Variants in PPM1E observed in about 807,000 individuals in gnomAD.
The protein encoded by PPM1E is protein phosphatase 1E.
Under a neutral mutation model 65.9 loss-of-function variants are expected in PPM1E, and 20 were observed. The observed-to-expected ratio is 0.30, with a 90% CI of 0.21 to 0.44. PPM1E has a LOEUF of 0.44. PPM1E is among the 20% of genes least tolerant of loss of function. PPM1E has a pLI of 1.00. For synonymous variants in PPM1E, 352 were observed against 374.9 expected (o/e 0.94, Z 0.70); for missense variants, 713 against 953.1 (o/e 0.75, Z 3.32).
intron 1 of PPM1E, among the ~76,000 whole-genome samples, chr17:58,817,809 T>C (rs1252649314): frequency 6.6e-6 from 1 of 152,078 alleles, no homozygotes; most frequent in Non-Finnish European, 1.5e-5. Context: ...TCGAGTGCAG[T>C]GGCACGATCT....
chr17:58,823,855 C>T (rs901406662), intron 1 of PPM1E, among the ~76,000 whole-genome samples: 3 of 152,104 alleles, frequency 2.0e-5, no homozygotes, highest in African/African-American at 7.2e-5. Context: ...CTCAGCCTCC[C>T]GAGTAGCTGG....
At chr17:58,826,454 A>G (rs1292356272) in intron 1 of PPM1E, among the ~76,000 whole-genome samples, 3 of 152,218 alleles carry the variant, frequency 2.0e-5, no homozygotes, top group Non-Finnish European at 4.4e-5. Context: ...TATGGCAACT[A>G]AAATTCAGCA....
chr17:58,789,552 A>T (rs58659289), intron 1 of PPM1E, among the ~76,000 whole-genome samples: 2,835 of 152,286 alleles, frequency 0.019, 39 homozygotes, highest in East Asian at 0.041. Context: ...TGCAAAATTC[A>T]CTAGCTAATC....
At chr17:58,841,585 G>A (rs904889341) in intron 1 of PPM1E, among the ~76,000 whole-genome samples, 1 of 150,974 alleles carries the variant, frequency 6.6e-6, no homozygotes, top group African/African-American at 2.4e-5. Context: ...CAGTGCAGTG[G>A]TGCAATCTTG....
chr17:58,757,451 A>AG (rs2049780127), intron 1 of PPM1E, among the ~76,000 whole-genome samples: 2 of 152,218 alleles, frequency 1.3e-5, no homozygotes, highest in Admixed American at 1.3e-4. Context: ...ATGACAGAGG[A>AG]GAATACTAGT....
At chr17:58,833,414 G>A (rs2050623839) in intron 1 of PPM1E, among the ~76,000 whole-genome samples, 1 of 150,858 alleles carries the variant, frequency 6.6e-6, no homozygotes, top group Non-Finnish European at 1.5e-5. Context: ...AGTTTCTATT[G>A]TTGCCGTTTT....
chr17:58,896,788 T>A (rs911788074), intron 1 of PPM1E, among the ~76,000 whole-genome samples: 1 of 152,162 alleles, frequency 6.6e-6, no homozygotes, highest in Non-Finnish European at 1.5e-5. Context: ...AGACTTTCAA[T>A]GTAGACAAAA....
chr17:58,859,413 T>C (rs1231683618), intron 1 of PPM1E, among the ~76,000 whole-genome samples: 3 of 152,242 alleles, frequency 2.0e-5, no homozygotes, highest in Non-Finnish European at 4.4e-5. Flanking sequence ...ATTTTCCCCT[T>C]TTTATCAAGA....
At chr17:58,863,133 G>A (rs556287159) in intron 1 of PPM1E, among the ~76,000 whole-genome samples, 3 of 152,312 alleles carry the variant, frequency 2.0e-5, no homozygotes, top group African/African-American at 4.8e-5. Context: ...CTGAAGCATG[G>A]TGTCCATTTT....
chr17:58,824,169 T>C (rs2050508479), intron 1 of PPM1E, among the ~76,000 whole-genome samples: 1 of 152,292 alleles, frequency 6.6e-6, no homozygotes, highest in African/African-American at 2.4e-5. Context: ...CAAAGATGAA[T>C]ATCTCCAATT....
chr17:58,946,628 G>T (rs571701536), intron 1 of PPM1E, among the ~76,000 whole-genome samples: 1 of 151,952 alleles, frequency 6.6e-6, no homozygotes, highest in Non-Finnish European at 1.5e-5. Flanking sequence ...CTATTTTGTT[G>T]TTGTTTGTTT....
At position 58,980,320 on chromosome 17, in the gene PPM1E, G is replaced by T; in HGVS notation, c.1557G>T (p.Lys519Asn). 6.2e-7 allele frequency: 1 copy of T among 1,614,128 alleles called. No individual in the cohort carries two copies. Residue 519 changes from lysine (K) to asparagine (N), a missense_variant, in exon 7 of 7, where the codon AAG becomes AAT. Coordinates refer to ENST00000308249, the MANE Select transcript of PPM1E (RefSeq NM_014906.5). This position sits in a 1 kb window ranked among gnomAD's most constrained non-coding sequence, Gnocchi z 4.7. ...QGGQEDGGDDKENHGECKRPW... is the reference protein window; with the variant it reads ...QGGQEDGGDDNENHGECKRPW... ...GGCAAGAAGATGGTGGGGATGATAA[G>T]GAGAATCATGGAGAGTGCAAACGCC...
chr17:58,912,280 C>G (rs1442268963), intron 1 of PPM1E, among the ~76,000 whole-genome samples: 2 of 152,126 alleles, frequency 1.3e-5, no homozygotes, highest in Non-Finnish European at 2.9e-5. Context: ...AAACCAAGGA[C>G]AAGGACATTA....
At chr17:58,958,580 A>C (rs1475146543) in intron 2 of PPM1E, among the ~76,000 whole-genome samples, 1 of 152,080 alleles carries the variant, frequency 6.6e-6, no homozygotes, top group Non-Finnish European at 1.5e-5. Flanking sequence ...AATAATAAAA[A>C]GTTTTTGTAA....
At chr17:58,812,842 C>T (rs1048071099) in intron 1 of PPM1E, among the ~76,000 whole-genome samples, 4 of 152,206 alleles carry the variant, frequency 2.6e-5, no homozygotes, top group Non-Finnish European at 5.9e-5. Flanking sequence ...GCTGGGATTA[C>T]AGGCATGAGC....
intron 1 of PPM1E, among the ~76,000 whole-genome samples, chr17:58,931,255 G>A (rs1482796133): frequency 6.6e-6 from 1 of 151,900 alleles, no homozygotes; most frequent in Non-Finnish European, 1.5e-5. Context: ...GCATGGTGGT[G>A]CATGCCTGTA....
chr17:58,775,681 G>A (rs987535486), intron 1 of PPM1E, among the ~76,000 whole-genome samples: 1 of 151,186 alleles, frequency 6.6e-6, no homozygotes, highest in Non-Finnish European at 1.5e-5. Context: ...TTGGGAGGCC[G>A]AGGCGGGTGG....
chr17:58,892,111 C>T (rs1368869440), intron 1 of PPM1E, among the ~76,000 whole-genome samples: 1 of 152,102 alleles, frequency 6.6e-6, no homozygotes, highest in Non-Finnish European at 1.5e-5. Context: ...GCTGGGATTA[C>T]AGGTGTGAGC....
intron 1 of PPM1E, among the ~76,000 whole-genome samples, chr17:58,783,335 G>A (rs2050067303): frequency 1.3e-5 from 2 of 152,172 alleles, no homozygotes; most frequent in South Asian, 4.1e-4. Flanking sequence ...TTTGAAAGAA[G>A]AATTGATGAA....
Sources: gnomAD v4.1 joint callset for allele counts (sites outside exome capture counted in the v4.1 genomes callset) on GRCh38, gnomAD v4.1.1 for gene constraint, Gnocchi (gnomAD v3.1) non-coding constraint, MANE v1.5 for transcripts, NCBI Gene and HGNC (gene_info 2026-07-23, HGNC 2026-07-21) for gene names.